SWAP70: variants seen among roughly 807,000 people sequenced by gnomAD.
SWAP70 encodes the protein switching B cell complex subunit SWAP70, also known as switch-associated protein 70.
Under a neutral mutation model 80.2 loss-of-function variants are expected in SWAP70, and 34 were observed. The observed-to-expected ratio is 0.42, with a 90% CI of 0.32 to 0.56. The LOEUF (loss-of-function observed/expected upper bound fraction) is 0.56. Ranked by LOEUF, SWAP70 falls within the 20% of genes least tolerant of loss-of-function variation. The pLI, the probability that SWAP70 is intolerant of heterozygous loss-of-function variation, is 0.09. For missense variants in SWAP70, 578 were observed against 690.7 expected (o/e 0.84, Z 1.83); for synonymous variants, 239 against 238.5 (o/e 1.00, Z -0.02).
At chr11:9,689,805 T>G (rs1195574783) in intron 1 of SWAP70, among the ~76,000 whole-genome samples, 1 of 152,196 alleles carries the variant, frequency 6.6e-6, no homozygotes, top group Non-Finnish European at 1.5e-5. Flanking sequence ...GTATGTGGAC[T>G]TCCTTGCCAC....
chr11:9,749,957 A>T lies in SWAP70; in HGVS notation c.1745A>T (p.Lys582Met). The T allele has an allele frequency of 1.2e-5, 20 of 1,612,564 alleles. No homozygotes were observed. The highest frequency in any genetic ancestry group is 1.7e-5 in the Non-Finnish European group (20 of 1,178,664). Residue 582 changes from lysine (K) to methionine (M), a missense_variant, in exon 12 of 12, where the codon AAG (lysine) becomes ATG (methionine). Transcript: ENST00000318950. Reference protein sequence around the residue: ...EEREKNWKEKKTTE With the variant: ...EEREKNWKEKMTTE ...AGAGAGAAGAACTGGAAAGAGAAAA[A>T]GACCACGGAGTGACTGAGCTTGCTG...
At position 9,732,543 on chromosome 11, in the gene SWAP70, A is replaced by G. The variant is rs1350485714; in HGVS notation, c.913A>G (p.Ile305Val). Reference protein sequence around the residue: ...QEWIQAIHSTIHLLKLGSPPP... With the variant: ...QEWIQAIHSTVHLLKLGSPPP... Reference sequence around the variant, plus strand: ...ACCTTTTACAGCCATTCATTCTACTATTCATCTGTTGAAGCTGGGCAGCCC... The same window carrying G: ...ACCTTTTACAGCCATTCATTCTACTGTTCATCTGTTGAAGCTGGGCAGCCC... The change falls in exon 7 of 12, where the codon ATT (isoleucine) becomes GTT (valine). Residue 305 changes from isoleucine to valine, a missense_variant. Ile to Val is a conservative substitution (Grantham distance 29). Coordinates refer to ENST00000318950, the MANE Select transcript of SWAP70 (RefSeq NM_015055.4). 5.0e-6 allele frequency: 8 copies of G among 1,605,834 alleles called. No homozygotes were observed. Among genetic ancestry groups the G allele is most frequent in the South Asian group, 3.3e-5 (3 of 89,944 alleles).
At chr11:9,714,807 AT>A (rs71034737) in intron 3 of SWAP70, among the ~76,000 whole-genome samples, 9,426 of 127,422 alleles carry the variant, frequency 0.074, 703 homozygotes, top group East Asian at 0.26. Context: ...CCAAAAGGGG[AT>A]TTTTTTTTTT....
chr11:9,747,778 T>A, intron 9 of SWAP70, 80 bp from the exon 10 acceptor site: 1 of 1,337,876 alleles, frequency 7.5e-7, no homozygotes, highest in Non-Finnish European at 1.1e-6. Context: ...TATTCTCTTG[T>A]CTAAAATGCT....
intron 1 of SWAP70, among the ~76,000 whole-genome samples, chr11:9,674,964 G>C (rs1310835384): frequency 6.8e-6 from 1 of 146,126 alleles, no homozygotes; most frequent in African/African-American, 2.5e-5. Flanking sequence ...GCGAGACTCC[G>C]TCTCAAAAAA....
chr11:9,701,691 CTTTTTTTTTTT>C (rs1163108695), intron 2 of SWAP70, among the ~76,000 whole-genome samples: 7 of 68,526 alleles, frequency 1.0e-4, no homozygotes, highest in Admixed American at 4.0e-4. Context: ...TTTGTGGGCT[CTTTTTTTTTTT>C]TTTTTTTTTT....
intron 1 of SWAP70, among the ~76,000 whole-genome samples, chr11:9,669,694 G>C (rs1428535664): frequency 1.3e-5 from 2 of 152,204 alleles, no homozygotes; most frequent in Non-Finnish European, 2.9e-5. Flanking sequence ...GTGTATGAGA[G>C]AGAGTTATTG....
intron 10 of SWAP70, 107 bp downstream of exon 10, chr11:9,748,163 T>G: frequency 8.3e-7 from 1 of 1,200,814 alleles, no homozygotes; most frequent in Non-Finnish European, 1.2e-6. Flanking sequence ...AGTAAGAATC[T>G]TGCTTAGCTG....
intron 9 of SWAP70, chr11:9,741,958 A>G (rs908447261): frequency 6.7e-6 from 1 of 148,460 alleles, no homozygotes; most frequent in African/African-American, 2.5e-5. Context: ...AAAAAAAAAA[A>G]GTCTACTTGG....
intron 1 of SWAP70, among the ~76,000 whole-genome samples, chr11:9,674,674 A>G (rs1850464213): frequency 6.6e-6 from 1 of 151,772 alleles, no homozygotes; most frequent in South Asian, 2.1e-4. Context: ...TCTCAAAAAT[A>G]AATAAATAGG....
At chr11:9,735,595 C>A (rs895521205) in intron 7 of SWAP70, among the ~76,000 whole-genome samples, 3 of 152,200 alleles carry the variant, frequency 2.0e-5, no homozygotes, top group Non-Finnish European at 4.4e-5. Flanking sequence ...CAGCCGCCAT[C>A]TTGAGTGTTG....
At chr11:9,715,326 A>G (rs1282334312) in intron 3 of SWAP70, among the ~76,000 whole-genome samples, 1 of 152,074 alleles carries the variant, frequency 6.6e-6, no homozygotes, top group Non-Finnish European at 1.5e-5. Flanking sequence ...CAGAATCATC[A>G]TGATGGCTTA....
intron 1 of SWAP70, among the ~76,000 whole-genome samples, chr11:9,689,561 C>T (rs1249058798): frequency 1.3e-5 from 2 of 152,312 alleles, no homozygotes; most frequent in South Asian, 2.1e-4. Context: ...GCATTTGAAG[C>T]GGGATAAATT....
intron 1 of SWAP70, among the ~76,000 whole-genome samples, chr11:9,667,857 A>G (rs1850327839): frequency 6.6e-6 from 1 of 152,032 alleles, no homozygotes; most frequent in South Asian, 2.1e-4. Flanking sequence ...CACTGCACCC[A>G]TCCTATTTTC....
chr11:9,689,378 G>A (rs536766570), intron 1 of SWAP70, among the ~76,000 whole-genome samples: 3 of 152,358 alleles, frequency 2.0e-5, no homozygotes, highest in Non-Finnish European at 4.4e-5. Context: ...TGTCAGCAGA[G>A]GCCCTGCAGA....
chr11:9,725,563 ATATATATT>A (rs1176419458), intron 4 of SWAP70, among the ~76,000 whole-genome samples: 49 of 16,794 alleles, frequency 2.9e-3, no homozygotes, highest in African/African-American at 8.9e-3. Context: ...ATATATATAT[ATATATATT>A]TTTTTTTTTT....
intron 3 of SWAP70, among the ~76,000 whole-genome samples, chr11:9,719,759 A>G (rs1851112276): frequency 6.6e-6 from 1 of 152,090 alleles, no homozygotes; most frequent in Non-Finnish European, 1.5e-5. Flanking sequence ...TTTATTTAGT[A>G]TTTGTTTCTC....
At chr11:9,666,458 A>G (rs1028030361) in intron 1 of SWAP70, among the ~76,000 whole-genome samples, 1 of 152,122 alleles carries the variant, frequency 6.6e-6, no homozygotes, top group African/African-American at 2.4e-5. Context: ...TCTAGGAGTT[A>G]GAATATCCAT....
At chr11:9,701,036 A>G (rs1213305160) in intron 2 of SWAP70, among the ~76,000 whole-genome samples, 2 of 152,158 alleles carry the variant, frequency 1.3e-5, no homozygotes, top group African/African-American at 2.4e-5. Flanking sequence ...AAACTTTCCA[A>G]AAAGTAATTT....
Sources: allele counts gnomAD v4.1 joint callset (sites outside exome capture counted in the v4.1 genomes callset), GRCh38; gene constraint gnomAD v4.1.1; transcripts MANE v1.5; gene names NCBI Gene and HGNC (gene_info 2026-07-23, HGNC 2026-07-21).